Variants in REPS2 observed in about 807,000 individuals in gnomAD.
The protein encoded by REPS2 is ralBP1-associated Eps domain-containing protein 2.
In REPS2, 23 loss-of-function variants were observed where a neutral mutation model predicts 53.6. That is an observed-to-expected ratio of 0.43 (90% CI 0.31 to 0.61). The LOEUF (loss-of-function observed/expected upper bound fraction) is 0.61, where lower values mean the gene tolerates loss of function less well. Among genes scored for constraint, REPS2 ranks in the 20% least tolerant of loss-of-function variants. The pLI is 0.11. For missense variants in REPS2, 446 were observed against 534.9 expected (o/e 0.83, Z 1.64); for synonymous variants, 238 against 218.6 (o/e 1.09, Z -0.78).
At chrX:17,084,514 A>G (rs1416390006) in intron 13 of REPS2, among the ~76,000 whole-genome samples, 1 of 112,414 alleles carries the variant, frequency 8.9e-6, no homozygotes, top group Non-Finnish European at 1.9e-5. Flanking sequence ...AATTTATTTC[A>G]TTAGCAATTT....
chrX:17,017,571 A>G (rs2061514949), intron 2 of REPS2, among the ~76,000 whole-genome samples: 2 of 111,531 alleles, frequency 1.8e-5, no homozygotes, highest in Admixed American at 9.6e-5. Context: ...ATATATATAT[A>G]TATGTATTTG....
rs188736087 is a variant in REPS2 at position 16,977,322 on chromosome X, G to C, written c.274-28899G>C. 1.4e-4 allele frequency among the ~76,000 whole-genome samples: 16 copies of C among 110,970 alleles called. No individual in the cohort carries two copies. The East Asian group carries it at 4.6e-3, about 32-fold the overall frequency. ...GAGTATTAAGGATGGGTGATTCTGAGGTCCTGAGCCAGCTGGAAGGACTTT... is the reference window on the plus strand; with the variant it reads ...GAGTATTAAGGATGGGTGATTCTGACGTCCTGAGCCAGCTGGAAGGACTTT... On this transcript the variant is annotated intron_variant, in intron 1 of 17. Coordinates refer to ENST00000357277, the MANE Select transcript of REPS2 (RefSeq NM_004726.3).
At chrX:16,962,799 C>T (rs2060682330) in intron 1 of REPS2, among the ~76,000 whole-genome samples, 1 of 112,088 alleles carries the variant, frequency 8.9e-6, no homozygotes, top group Non-Finnish European at 1.9e-5. Flanking sequence ...ATAAAAATAG[C>T]TATATGTGGG....
rs761537324 is a variant in REPS2, at chrX:17,006,305, C to T, written c.358C>T (p.Gln120Ter). The change falls in exon 2 of 18, where the codon CAA becomes TAA. Residue 120 changes from glutamine (Q) to a stop codon, truncating the protein, a stop_gained. Transcript: ENST00000357277. LOFTEE classifies it high-confidence loss of function. The part of the protein sequence containing the change: ...YIALKLIAAA[Q>*]SGLPVRIESI... ...TGCCCTGAAATTAATTGCTGCAGCA[C>T]AATCTGGCCTCCCGGTACGGATAGA... 2 of 1,209,975 alleles carry T rather than the reference C, an allele frequency of 1.7e-6. No individual in the cohort carries two copies. Among genetic ancestry groups the T allele is most frequent in the South Asian group, 1.8e-5 (1 of 56,964 alleles).
downstream of REPS2, among the ~76,000 whole-genome samples, chrX:17,156,043 G>T (rs930236074): frequency 8.0e-5 from 9 of 111,832 alleles, no homozygotes; most frequent in African/African-American, 2.6e-4. Flanking sequence ...TACCAAGCCT[G>T]CAGGAGAAAA....
At chrX:17,041,226 T>C (rs1314707491) in intron 5 of REPS2, among the ~76,000 whole-genome samples, 1 of 110,772 alleles carries the variant, frequency 9.0e-6, no homozygotes, top group Non-Finnish European at 1.9e-5. Context: ...CACATTGCAA[T>C]GGCTACAACT....
At chrX:17,112,234 A>G (rs1336181780) in intron 14 of REPS2, among the ~76,000 whole-genome samples, 1 of 111,776 alleles carries the variant, frequency 8.9e-6, no homozygotes, top group African/African-American at 3.3e-5. Context: ...CCTTGGGATT[A>G]CAGGTGTGAG....
chrX:17,186,254 T>C, the REPS2 span, among the ~76,000 whole-genome samples: 1 of 112,464 alleles, frequency 8.9e-6, no homozygotes, highest in African/African-American at 3.2e-5. Context: ...GTGGACACTG[T>C]CTGCTGGCAG....
At chrX:17,105,718 A>T (rs748115842) in intron 14 of REPS2, among the ~76,000 whole-genome samples, 116 of 112,388 alleles carry the variant, frequency 1.0e-3, no homozygotes, top group African/African-American at 3.3e-3. Context: ...AAATGGAGGC[A>T]GAAGATCCAC....
intron 14 of REPS2, among the ~76,000 whole-genome samples, chrX:17,108,562 C>T (rs745400238): frequency 9.1e-6 from 1 of 109,550 alleles, no homozygotes; most frequent in South Asian, 3.9e-4. Context: ...GATCTCATGA[C>T]AGTTTTCTTA....
intron 1 of REPS2, among the ~76,000 whole-genome samples, chrX:16,976,154 T>C (rs2060952295): frequency 1.8e-5 from 2 of 111,740 alleles, no homozygotes; most frequent in Admixed American, 1.9e-4. Flanking sequence ...GCCAACTTCC[T>C]GGGGTAAGAT....
intron 1 of REPS2, among the ~76,000 whole-genome samples, chrX:16,955,998 T>C (rs1223488277): frequency 8.9e-6 from 1 of 112,201 alleles, no homozygotes; most frequent in Non-Finnish European, 1.9e-5. Context: ...CTGGCAAATA[T>C]GTAACTTCTT....
chrX:16,965,744 G>C (rs1687640611), intron 1 of REPS2, among the ~76,000 whole-genome samples: 1 of 112,772 alleles, frequency 8.9e-6, no homozygotes, highest in Admixed American at 9.3e-5. Context: ...TGCACTTTGG[G>C]AGGCCAAGGC....
intron 14 of REPS2, among the ~76,000 whole-genome samples, chrX:17,106,051 C>T (rs2148066028): frequency 8.9e-6 from 1 of 111,991 alleles, no homozygotes; most frequent in South Asian, 3.7e-4. Flanking sequence ...TGGAGGCCTA[C>T]AGTAAGTAAA....
chrX:17,004,088 A>G (rs960959750), intron 1 of REPS2, among the ~76,000 whole-genome samples: 1 of 111,772 alleles, frequency 8.9e-6, no homozygotes, highest in Non-Finnish European at 1.9e-5. Flanking sequence ...AATTTGCACA[A>G]TGTGTAACCT....
At chrX:17,065,733 C>T (rs754735985) in intron 9 of REPS2, among the ~76,000 whole-genome samples, 18 of 111,286 alleles carry the variant, frequency 1.6e-4, no homozygotes, top group Middle Eastern at 9.2e-3. Flanking sequence ...ACTACAGGTG[C>T]GTGCCACCAA....
chrX:17,049,260 CT>C (rs2061948298), intron 6 of REPS2, among the ~76,000 whole-genome samples: 2 of 112,152 alleles, frequency 1.8e-5, no homozygotes, highest in South Asian at 7.3e-4. Flanking sequence ...AAAAAGTTAA[CT>C]GTAAAACAGC....
chrX:17,170,246 G>A, the REPS2 span, among the ~76,000 whole-genome samples: 9 of 111,977 alleles, frequency 8.0e-5, no homozygotes, highest in African/African-American at 1.9e-4. Flanking sequence ...CTCCTCCAGC[G>A]TTCTGGTACT....
intron 13 of REPS2, among the ~76,000 whole-genome samples, chrX:17,084,900 A>C (rs1165303320): frequency 8.9e-6 from 1 of 112,009 alleles, no homozygotes; most frequent in Non-Finnish European, 1.9e-5. Flanking sequence ...GATGAGGTCT[A>C]ATTTATGTAT....
Sources: allele counts gnomAD v4.1 joint callset (sites outside exome capture counted in the v4.1 genomes callset), GRCh38; gene constraint gnomAD v4.1.1; transcripts MANE v1.5; gene names NCBI Gene and HGNC (gene_info 2026-07-23, HGNC 2026-07-21).